Variants in ZNF536 observed in about 807,000 individuals in gnomAD.
ZNF536 encodes zinc finger protein 536.
A neutral mutation model predicts 84.5 loss-of-function variants in ZNF536; 13 were observed. The ratio of observed to expected loss-of-function variants is 0.15; its 90% confidence interval spans 0.10 to 0.24. The LOEUF is 0.24. Ranked by LOEUF, ZNF536 falls within the 10% of genes least tolerant of loss-of-function variation. The pLI is 1.00. For synonymous variants in ZNF536, 811 were observed against 742.5 expected (o/e 1.09, Z -1.50); for missense variants, 1,536 against 1,747.5 (o/e 0.88, Z 2.16).
intron 1 of ZNF536, among the ~76,000 whole-genome samples, chr19:30,379,135 A>T (rs2048924868): frequency 6.6e-6 from 1 of 152,176 alleles, no homozygotes; most frequent in Non-Finnish European, 1.5e-5. Flanking sequence ...TTATGTCCCA[A>T]ATGTGATTTG....
chr19:30,518,931 G>A (rs569404444), intron 2 of ZNF536, among the ~76,000 whole-genome samples: 156 of 152,300 alleles, frequency 1.0e-3, no homozygotes, highest in African/African-American at 2.9e-3. Flanking sequence ...GAAACATCCC[G>A]GGAGCAGCAC....
At position 30,321,314 on chromosome 19, in the gene ZNF536, T is replaced by G. The variant is rs138129937; in HGVS notation, c.-119-31054T>G. On this transcript the variant is annotated intron_variant, in intron 2 of 5. Coordinates refer to the ZNF536 transcript ENST00000585628. ...GCTCACGCCTGTAATCCCAGCACTTTAGGCGGCCGAGGTGGGAGGATCACT... is the reference window on the plus strand; with the variant it reads ...GCTCACGCCTGTAATCCCAGCACTTGAGGCGGCCGAGGTGGGAGGATCACT... Among the ~76,000 whole-genome samples, 21 of 152,336 alleles carry G rather than the reference T, an allele frequency of 1.4e-4. 1 individual carries two copies. In the East Asian group the frequency reaches 4.1e-3, roughly 29 times the overall value.
chr19:30,425,097 G>A (rs562148675), intron 1 of ZNF536, among the ~76,000 whole-genome samples: 2 of 152,300 alleles, frequency 1.3e-5, no homozygotes, highest in East Asian at 3.9e-4. Context: ...AAGGGAAAGA[G>A]TAGGAAAGGG....
At chr19:30,290,420 C>T (rs922587519) in intron 2 of ZNF536, among the ~76,000 whole-genome samples, 1 of 152,110 alleles carries the variant, frequency 6.6e-6, no homozygotes, top group African/African-American at 2.4e-5. Context: ...TGGGACTACA[C>T]GTGCACACCA....
Position 30,446,248 on chromosome 19 carries a change from CAAAAAAAA to C in ZNF536, c.2170+535_2170+542del, listed in dbSNP as rs1177505634. Among the ~76,000 whole-genome samples the C allele has an allele frequency of 3.1e-4, 9 of 29,178 alleles. 1 individual carries two copies. The highest frequency in any genetic ancestry group is 1.2e-3 in the Admixed American group (2 of 1,690). 19.1% of individuals were successfully genotyped at this position (29,178 alleles called of 152,430 possible). A position where few individuals can be genotyped will look rare whatever the true frequency, so the allele number is the denominator to read the frequency against. Reference sequence around the variant, plus strand: ...TGAGCGACAGAGTGAGACACTGTCTCAAAAAAAAAAAAAAAAAAAAAAAAAAGAAAGAA... The same window carrying C: ...TGAGCGACAGAGTGAGACACTGTCTCAAAAAAAAAAAAAAAAAAGAAAGAA... On this transcript the variant is annotated intron_variant, in intron 2 of 4. Coordinates refer to ENST00000355537, the MANE Select transcript of ZNF536 (RefSeq NM_014717.3).
At chr19:30,665,344 A>C (rs1431968301) in intron 1 of ZNF536, 1 of 152,242 alleles carries the variant, frequency 6.6e-6, no homozygotes, top group Non-Finnish European at 1.5e-5. Context: ...ACTCCATCAA[A>C]AAATAATTAA....
intron 1 of ZNF536, among the ~76,000 whole-genome samples, chr19:30,233,978 C>A (rs2023279014): frequency 6.6e-6 from 1 of 152,154 alleles, no homozygotes; most frequent in Non-Finnish European, 1.5e-5. Context: ...AGGGCCAAAG[C>A]AAGCACTCTT....
chr19:30,531,424 T>C (rs1281718229), intron 2 of ZNF536, among the ~76,000 whole-genome samples: 1 of 151,410 alleles, frequency 6.6e-6, no homozygotes, highest in African/African-American at 2.4e-5. Flanking sequence ...TCATTTCTCC[T>C]GCAGTGTCTT....
intron 1 of ZNF536, among the ~76,000 whole-genome samples, chr19:30,697,588 C>CTGAGACTT (rs2051716043): frequency 1.3e-5 from 2 of 152,290 alleles, no homozygotes; most frequent in Admixed American, 1.3e-4. Context: ...GATGAGAAAA[C>CTGAGACTT]TGAGACTTAG....
At chr19:30,550,961 T>G (rs2045754501) in intron 4 of ZNF536, among the ~76,000 whole-genome samples, 1 of 152,162 alleles carries the variant, frequency 6.6e-6, no homozygotes. Context: ...CTTTTGAAGC[T>G]GTTAAAAACA....
chr19:30,621,948 T>C (rs1052158110), intron 1 of ZNF536, among the ~76,000 whole-genome samples: 5 of 152,264 alleles, frequency 3.3e-5, no homozygotes, highest in African/African-American at 1.2e-4. Flanking sequence ...CAGCGTGCAG[T>C]GCCCTTCAAT....
In ZNF536 at chr19:30,445,148, G is replaced by C. The variant is rs550999578; in HGVS notation, c.1586G>C (p.Arg529Thr). ...NSYQAWQLMA[R>T]GMAMEHGFLS... ...TACCAGGCTTGGCAGCTCATGGCCA[G>C]GGGCATGGCCATGGAACATGGCTTC... Residue 529 changes from arginine to threonine, a missense_variant, in exon 2 of 5, where the codon AGG (arginine) becomes ACG (threonine). Arg to Thr is a moderately conservative substitution (Grantham distance 71). Around this residue, in one of 8 missense-constraint regions of ZNF536, gnomAD observed 366 missense variants for 364.4 expected, o/e 1.00. Coordinates refer to ENST00000355537, the MANE Select transcript of ZNF536 (RefSeq NM_014717.3). This position sits in a 1 kb window ranked among gnomAD's most constrained non-coding sequence, Gnocchi z 4.5. The C allele has an allele frequency of 9.9e-6, 16 of 1,614,112 alleles. No individual in the cohort carries two copies. In the South Asian group the frequency reaches 1.8e-4, roughly 18 times the overall value.
chr19:30,260,572 T>A (rs1199118438), intron 1 of ZNF536, among the ~76,000 whole-genome samples: 1 of 152,218 alleles, frequency 6.6e-6, no homozygotes, highest in Non-Finnish European at 1.5e-5. Flanking sequence ...TTCTTGGCAG[T>A]GAGAGAGACT....
intron 2 of ZNF536, among the ~76,000 whole-genome samples, chr19:30,524,032 C>A (rs543852460): frequency 6.6e-6 from 1 of 152,234 alleles, no homozygotes; most frequent in Non-Finnish European, 1.5e-5. Context: ...AGGGGCATTG[C>A]CCCCACCCCG....
intron 1 of ZNF536, among the ~76,000 whole-genome samples, chr19:30,692,493 G>A (rs1356164059): frequency 6.6e-6 from 1 of 152,242 alleles, no homozygotes; most frequent in African/African-American, 2.4e-5. Context: ...GATTGTAGAA[G>A]GCAAGTCATG....
chr19:30,428,508 G>T (rs921330695), intron 1 of ZNF536, among the ~76,000 whole-genome samples: 1 of 152,182 alleles, frequency 6.6e-6, no homozygotes, highest in Non-Finnish European at 1.5e-5. Context: ...CCTCATAGGA[G>T]CCCAGAGAGT....
intron 1 of ZNF536, among the ~76,000 whole-genome samples, chr19:30,610,348 A>T (rs1384435447): frequency 6.6e-6 from 1 of 152,100 alleles, no homozygotes; most frequent in Non-Finnish European, 1.5e-5. Flanking sequence ...AGGCTGGGAG[A>T]GCTGATACTT....
chr19:30,426,951 C>G (rs947166596), intron 1 of ZNF536, among the ~76,000 whole-genome samples: 7 of 152,184 alleles, frequency 4.6e-5, no homozygotes, highest in Admixed American at 6.5e-5. Context: ...ATCTATCTAT[C>G]TGCTCATTGA....
intron 1 of ZNF536, among the ~76,000 whole-genome samples, chr19:30,577,055 A>C (rs190108915): frequency 6.6e-6 from 1 of 152,346 alleles, no homozygotes; most frequent in East Asian, 1.9e-4. Context: ...GCATCTTGAA[A>C]AGTAGCTTTT....
Sources: gnomAD v4.1 joint callset for allele counts (sites outside exome capture counted in the v4.1 genomes callset) on GRCh38, gnomAD v4.1.1 for gene constraint, gnomAD v4.1.1 regional missense constraint, Gnocchi (gnomAD v3.1) non-coding constraint, MANE v1.5 for transcripts, NCBI Gene and HGNC (gene_info 2026-07-23, HGNC 2026-07-21) for gene names.